Variants in EBF3 observed in about 807,000 individuals in gnomAD.
EBF3 encodes transcription factor COE3.
A neutral mutation model predicts 77.1 loss-of-function variants in EBF3; 18 were observed. The ratio of observed to expected loss-of-function variants is 0.23; its 90% CI spans 0.16 to 0.35. The LOEUF (loss-of-function observed/expected upper bound fraction) is 0.35, where lower values mean the gene tolerates loss of function less well. Ranked by LOEUF, EBF3 falls within the 10% of genes least tolerant of loss-of-function variation. EBF3 has a pLI of 1.00. For missense variants in EBF3, 558 were observed against 860.0 expected (o/e 0.65, Z 4.39); for synonymous variants, 350 against 343.5 (o/e 1.02, Z -0.21).
intron 6 of EBF3, among the ~76,000 whole-genome samples, chr10:129,901,517 A>G (rs1173779455): frequency 6.6e-6 from 1 of 152,188 alleles, no homozygotes; most frequent in African/African-American, 2.4e-5. Flanking sequence ...TTTTGTTTTA[A>G]TTGTACAGCT....
intron 10 of EBF3, among the ~76,000 whole-genome samples, chr10:129,856,960 A>C (rs1488854389): frequency 6.6e-6 from 1 of 152,204 alleles, no homozygotes; most frequent in African/African-American, 2.4e-5. Context: ...TTTAGAATAA[A>C]GATGTGTCCA....
chr10:129,897,947 C>T lies in EBF3; in HGVS notation c.555-20098G>A, dbSNP rs1854509501. Among the ~76,000 whole-genome samples, 1 of 152,158 alleles carries T rather than the reference C, an allele frequency of 6.6e-6. No individual in the cohort carries two copies. The highest frequency in any genetic ancestry group is 2.4e-5 in the African/African-American group (1 of 41,424). On this transcript the variant is annotated intron_variant, in intron 6 of 16. Transcript: ENST00000440978. The surrounding 1 kb of genome is among the most constrained non-coding windows in gnomAD (Gnocchi z 4.6). ...TTTCAAATAATTCTGTTATAAATGC[C>T]TAAAGCTGGGGCTGCTCAACAGAAG... is the stretch of plus-strand genomic sequence containing the variant.
At chr10:129,896,509 G>C (rs371704031) in intron 6 of EBF3, among the ~76,000 whole-genome samples, 9 of 152,194 alleles carry the variant, frequency 5.9e-5, no homozygotes, top group African/African-American at 2.2e-4. Context: ...GGGGGCCGGC[G>C]TGGGCCGGGT....
intron 6 of EBF3, among the ~76,000 whole-genome samples, chr10:129,929,925 G>A (rs1229355056): frequency 6.6e-6 from 1 of 152,160 alleles, no homozygotes. Context: ...GAGGAGCTTG[G>A]GGTGTGAGTC....
At chr10:129,892,753 C>T (rs1321906834) in intron 6 of EBF3, among the ~76,000 whole-genome samples, 4 of 152,234 alleles carry the variant, frequency 2.6e-5, no homozygotes, top group Non-Finnish European at 5.9e-5. Context: ...CTTGCTTTCA[C>T]TGAGCAGGGT....
chr10:129,964,034 T>C lies in EBF3; in HGVS notation c.-266A>G. ...AGGACGCGGTGGCCGCGGCGGCGCTTGTTGTTGTTGTTGTTTGCAGGCGCG... is the reference window on the plus strand; with the variant it reads ...AGGACGCGGTGGCCGCGGCGGCGCTCGTTGTTGTTGTTGTTTGCAGGCGCG... On this transcript the variant is annotated 5_prime_UTR_variant, in exon 1 of 17. Coordinates refer to ENST00000440978, the MANE Select transcript of EBF3 (RefSeq NM_001375380.1). The surrounding 1 kb of genome is among the most constrained non-coding windows in gnomAD (Gnocchi z 4.5). 1.0e-6 allele frequency: 1 copy of C among 984,474 alleles called. No individual in the cohort carries two copies. The highest frequency in any genetic ancestry group is 1.2e-6 in the Non-Finnish European group (1 of 829,460). The allele number at this position is 984,474 out of a possible 1,614,324, so 61.0% of individuals were successfully genotyped here.
intron 10 of EBF3, among the ~76,000 whole-genome samples, chr10:129,854,083 A>C (rs1332399196): frequency 6.8e-6 from 1 of 147,824 alleles, no homozygotes; most frequent in Non-Finnish European, 1.5e-5. Flanking sequence ...CCTTGCCCCC[A>C]CCAGAGCGCC....
intron 11 of EBF3, among the ~76,000 whole-genome samples, chr10:129,844,544 GACTC>G (rs372095099): frequency 3.9e-5 from 6 of 152,212 alleles, no homozygotes; most frequent in African/African-American, 1.4e-4. Flanking sequence ...GCCTTCCAAG[GACTC>G]ACTCGCCTCA....
At chr10:129,882,131 A>G (rs1005235749) in intron 6 of EBF3, among the ~76,000 whole-genome samples, 17 of 152,288 alleles carry the variant, frequency 1.1e-4, no homozygotes, top group African/African-American at 4.1e-4. Flanking sequence ...TTAAGCTATG[A>G]ATTAGTTCAT....
rs951168670 is a variant in EBF3, at chr10:129,840,470, G to A, written c.1562-28C>T. On this transcript the variant is annotated intron_variant, in intron 14 of 16. Coordinates refer to ENST00000440978, the MANE Select transcript of EBF3 (RefSeq NM_001375380.1). ...GCAACAAAGCAAACACGGTCAGCAC[G>A]CGCGGCCGCGGCACAGCGCCACGGC... 8.4e-6 allele frequency: 13 copies of A among 1,542,712 alleles called. No individual in the cohort carries two copies. The African/African-American group carries it at 9.6e-5, about 11-fold the overall frequency.
intron 6 of EBF3, among the ~76,000 whole-genome samples, chr10:129,892,033 C>G (rs1224122157): frequency 6.6e-6 from 1 of 152,376 alleles, no homozygotes; most frequent in African/African-American, 2.4e-5. Context: ...GCCCGCCTCT[C>G]TCTGGCCAAC....
At chr10:129,917,579 T>C (rs1855964993) in intron 6 of EBF3, among the ~76,000 whole-genome samples, 1 of 138,834 alleles carries the variant, frequency 7.2e-6, no homozygotes, top group African/African-American at 2.7e-5. Context: ...AGTTTGAGGC[T>C]GCAGTGAGCT....
chr10:129,877,524 C>T (rs1390263463), intron 7 of EBF3, among the ~76,000 whole-genome samples: 1 of 144,062 alleles, frequency 6.9e-6, no homozygotes, highest in African/African-American at 2.5e-5. Flanking sequence ...GCCATGTTTT[C>T]AAAGCTAAGT....
At chr10:129,875,187 C>CT (rs1193539598) in intron 7 of EBF3, among the ~76,000 whole-genome samples, 1,495 of 92,928 alleles carry the variant, frequency 0.016, 149 homozygotes, top group South Asian at 0.019. Context: ...ATGGCTTCTT[C>CT]TTTTTTTTTT....
intron 6 of EBF3, among the ~76,000 whole-genome samples, chr10:129,916,863 G>A (rs1350650123): frequency 1.2e-4 from 19 of 152,226 alleles, no homozygotes; most frequent in Non-Finnish European, 4.4e-5. Context: ...GAAATGGGGA[G>A]GAGTTCCTGC....
intron 6 of EBF3, among the ~76,000 whole-genome samples, chr10:129,921,995 C>T (rs182774421): frequency 4.4e-4 from 67 of 152,344 alleles, no homozygotes; most frequent in Middle Eastern, 3.4e-3. Flanking sequence ...AGGGCAGAAC[C>T]GGTCAGCTTG....
chr10:129,840,037 A>G (rs1313656981), intron 15 of EBF3, among the ~76,000 whole-genome samples: 1 of 152,252 alleles, frequency 6.6e-6, no homozygotes, highest in Non-Finnish European at 1.5e-5. Flanking sequence ...ACAAAAACCA[A>G]GAGGAGGAAT....
chr10:129,926,378 A>G (rs949291571), intron 6 of EBF3, among the ~76,000 whole-genome samples: 1 of 152,108 alleles, frequency 6.6e-6, no homozygotes, highest in Non-Finnish European at 1.5e-5. Flanking sequence ...GGCTGGTGTG[A>G]AGGTGGGGGT....
At chr10:129,955,504 G>A (rs1355065803) in intron 6 of EBF3, among the ~76,000 whole-genome samples, 1 of 152,102 alleles carries the variant, frequency 6.6e-6, no homozygotes, top group Non-Finnish European at 1.5e-5. Context: ...AGTAATCTTA[G>A]CACATATTTT....
Sources: allele counts gnomAD v4.1 joint callset (sites outside exome capture counted in the v4.1 genomes callset), GRCh38; gene constraint gnomAD v4.1.1; non-coding constraint Gnocchi (gnomAD v3.1); transcripts MANE v1.5; gene names NCBI Gene and HGNC (gene_info 2026-07-23, HGNC 2026-07-21).